TOMM34: variants seen among roughly 807,000 people sequenced by gnomAD.
TOMM34 encodes translocase of outer mitochondrial membrane 34.
In TOMM34, 24 loss-of-function variants were observed where a neutral mutation model predicts 37.4. The observed-to-expected ratio is 0.64, with a 90% CI of 0.46 to 0.90. The LOEUF (loss-of-function observed/expected upper bound fraction) is 0.90, where lower values mean the gene tolerates loss of function less well. TOMM34 is among the 40% of genes least tolerant of loss of function. The pLI is 0.00. For missense variants in TOMM34, 304 were observed against 375.6 expected (o/e 0.81, Z 1.58); for synonymous variants, 154 against 148.9 (o/e 1.03, Z -0.25).
chr20:44,946,611 C>G (rs2066982717), intron 5 of TOMM34, among the ~76,000 whole-genome samples: 1 of 152,178 alleles, frequency 6.6e-6, no homozygotes, highest in Non-Finnish European at 1.5e-5. Context: ...CTTATGACAG[C>G]TGTTTCAGGG....
chr20:44,949,505 A>G (rs1235158724), intron 4 of TOMM34, among the ~76,000 whole-genome samples: 2 of 152,194 alleles, frequency 1.3e-5, no homozygotes, highest in African/African-American at 4.8e-5. Context: ...AAGGAGAGGA[A>G]GCAGAGGGAA....
At chr20:44,954,853 A>T (rs1259316144) in intron 3 of TOMM34, among the ~76,000 whole-genome samples, 1 of 152,236 alleles carries the variant, frequency 6.6e-6, no homozygotes, top group Non-Finnish European at 1.5e-5. Context: ...ACATGTAGGC[A>T]AATATCAATC....
rs752716259 is a variant in TOMM34, at chr20:44,959,300, C to CA, written c.127+906dup. 2.3e-3 allele frequency among the ~76,000 whole-genome samples: 346 copies of CA among 152,270 alleles called. 1 individual carries two copies. Among genetic ancestry groups the CA allele is most frequent in the Non-Finnish European group, 3.0e-3 (204 of 68,018 alleles). On this transcript the variant is annotated intron_variant, in intron 1 of 6. Transcript: ENST00000372813. The stretch of plus-strand genomic sequence containing the variant: ...TCCTTTCAAAAGTCAAGGCTTTAAC[C>CA]AATGAGGGTTTCTGATTAAGTCACC...
In TOMM34 at chr20:44,951,883, T is replaced by C. The variant is rs1234630436; in HGVS notation, c.500A>G (p.Lys167Arg). ...TTTGGATTTGCTTTTAGCCATCTCT[T>C]TGTGGTTCTCCGAAGGCAAGGAATT... ...RWNSLPSENH[K>R]EMAKSKSKET... Residue 167 changes from lysine (K) to arginine (R), a missense_variant, in exon 4 of 7, where the codon AAA (lysine) becomes AGA (arginine). Physicochemically the swap from Lys to Arg is conservative, Grantham distance 26. Transcript: ENST00000372813. 3 of 1,614,136 alleles carry C rather than the reference T, an allele frequency of 1.9e-6. No homozygotes were observed. Among genetic ancestry groups the C allele is most frequent in the Non-Finnish European group, 1.7e-6 (2 of 1,179,990 alleles).
chr20:44,956,319 A>G, intron 2 of TOMM34, 67 bp downstream of exon 2: 1 of 1,464,586 alleles, frequency 6.8e-7, no homozygotes, highest in South Asian at 1.2e-5. Context: ...AGAAGAAACA[A>G]GCCAGATTAA....
At chr20:44,955,882 G>A (rs564958360) in intron 2 of TOMM34, among the ~76,000 whole-genome samples, 1 of 152,340 alleles carries the variant, frequency 6.6e-6, no homozygotes, top group Non-Finnish European at 1.5e-5. Flanking sequence ...GTTTAATGAT[G>A]ATAAAAGAAT....
intron 2 of TOMM34, 95 bp downstream of exon 2, chr20:44,956,291 T>C (rs1568664681): frequency 2.5e-6 from 3 of 1,206,228 alleles, no homozygotes; most frequent in East Asian, 2.3e-5. Context: ...CCAGATGTAA[T>C]TGATGGGATC....
In TOMM34 at chr20:44,960,283, A is replaced by G; in HGVS notation, c.51T>C (p.Asn17=). 6.3e-7 allele frequency: 1 copy of G among 1,582,684 alleles called. No individual in the cohort carries two copies. Among genetic ancestry groups the G allele is most frequent in the East Asian group, 2.3e-5 (1 of 42,586 alleles). Residue 17 remains asparagine (N), a synonymous_variant, in exon 1 of 7, where the codon AAT becomes AAC. Transcript: ENST00000372813. ...DSVEELRAAG[N]ESFRNGQYAE... ...CGTACTGGCCGTTGCGGAAACTCTC[A>G]TTGCCGGCGGCGCGGAGCTCCTCCA...
At chr20:44,956,893 AAAGG>A (rs2067078422) in intron 1 of TOMM34, among the ~76,000 whole-genome samples, 1 of 151,408 alleles carries the variant, frequency 6.6e-6, no homozygotes, top group South Asian at 2.1e-4. Flanking sequence ...AAAAGAAAAG[AAAGG>A]GAGGGAGGGA....
chr20:44,945,770 A>C (rs1350884749), intron 5 of TOMM34, among the ~76,000 whole-genome samples: 1 of 152,068 alleles, frequency 6.6e-6, no homozygotes, highest in Non-Finnish European at 1.5e-5. Flanking sequence ...CTAATTCCTG[A>C]CTCCACAAAT....
At chr20:44,957,909 T>C (rs1222314131) in intron 1 of TOMM34, among the ~76,000 whole-genome samples, 1 of 152,030 alleles carries the variant, frequency 6.6e-6, no homozygotes, top group African/African-American at 2.4e-5. Flanking sequence ...TCCCAAAGTG[T>C]TGGGATTATA....
chr20:44,957,402 G>C (rs2067083474), intron 1 of TOMM34, among the ~76,000 whole-genome samples: 2 of 152,126 alleles, frequency 1.3e-5, no homozygotes. Context: ...TTGAACTCCT[G>C]ACCTCAGGCA....
intron 1 of TOMM34, chr20:44,958,814 C>CTGA (rs772089225): frequency 6.6e-6 from 1 of 152,232 alleles, no homozygotes; most frequent in Non-Finnish European, 1.5e-5. Context: ...AATACCTCAG[C>CTGA]TTCTTCAGCA....
chr20:44,952,982 G>C (rs992596437), intron 3 of TOMM34, among the ~76,000 whole-genome samples: 2 of 151,934 alleles, frequency 1.3e-5, no homozygotes, highest in Non-Finnish European at 2.9e-5. Context: ...CTACCTGCCT[G>C]GGTGCCCAAT....
intron 2 of TOMM34, among the ~76,000 whole-genome samples, chr20:44,955,953 C>T (rs2067068482): frequency 6.6e-6 from 1 of 152,196 alleles, no homozygotes; most frequent in African/African-American, 2.4e-5. Flanking sequence ...TAAAACTGGT[C>T]ATTCATGAAT....
chr20:44,948,729 C>T lies in TOMM34; in HGVS notation c.698+1G>A, dbSNP rs2067001433. The T allele has an allele frequency of 6.2e-7, 1 of 1,614,096 alleles. No homozygotes were observed. Among genetic ancestry groups the T allele is most frequent in the Non-Finnish European group, 8.5e-7 (1 of 1,179,964 alleles). On this transcript the variant is annotated splice_donor_variant, in intron 5 of 6. Coordinates refer to ENST00000372813, the MANE Select transcript of TOMM34 (RefSeq NM_006809.5). LOFTEE classifies it high-confidence loss of function. ...CAGGCCAGCAGCTGTATAGGAGATA[C>T]CTGTTGCTGTACGTGGCAGATTCCA...
chr20:44,959,864 GT>G, intron 1 of TOMM34: 5 of 946,948 alleles, frequency 5.3e-6, no homozygotes, highest in Non-Finnish European at 5.0e-6. Context: ...AGAATGCGCT[GT>G]CCTTGAGAGA....
intron 1 of TOMM34, 146 bp downstream of exon 1, chr20:44,960,061 G>A (rs1339688739): frequency 2.2e-6 from 3 of 1,386,430 alleles, no homozygotes; most frequent in Non-Finnish European, 2.8e-6. Flanking sequence ...AAGGGCCGAG[G>A]AAGTTTCTGG....
chr20:44,952,702 C>G, intron 3 of TOMM34: 2 of 717,042 alleles, frequency 2.8e-6, no homozygotes. Context: ...TCTCCAGCAC[C>G]TGGTATGTCA....
Sources: gnomAD v4.1 joint callset for allele counts (sites outside exome capture counted in the v4.1 genomes callset) on GRCh38, gnomAD v4.1.1 for gene constraint, MANE v1.5 for transcripts, NCBI Gene and HGNC (gene_info 2026-07-23, HGNC 2026-07-21) for gene names.